The following LYPLA1 variants were observed in gnomAD, a reference collection of about 807,000 sequenced individuals.
LYPLA1 encodes lysophospholipase 1, also known as acyl-protein thioesterase 1.
In LYPLA1, 17 loss-of-function variants were observed where a neutral mutation model predicts 34.0. The observed-to-expected ratio is 0.50, with a 90% CI of 0.34 to 0.75. The LOEUF (loss-of-function observed/expected upper bound fraction) is 0.75. Among genes scored for constraint, LYPLA1 ranks in the 30% least tolerant of loss-of-function variants. The pLI is 0.01. For missense variants in LYPLA1, 203 were observed against 288.8 expected, an observed-to-expected ratio of 0.70 and a Z score of 2.15; for synonymous variants, 98 against 100.8, an observed-to-expected ratio of 0.97 and a Z score of 0.17.
At chr8:54,060,581 G>A (rs544257131) in intron 5 of LYPLA1, among the ~76,000 whole-genome samples, 1 of 152,232 alleles carries the variant, frequency 6.6e-6, no homozygotes, top group Non-Finnish European at 1.5e-5. Flanking sequence ...CTTCACAGCG[G>A]TGTCAAATGA....
chr8:54,100,627 C>T (rs982062762), intron 2 of LYPLA1: 2 of 405,282 alleles, frequency 4.9e-6, no homozygotes, highest in South Asian at 2.5e-5. Flanking sequence ...TCCCTACTAA[C>T]ATTCCACGGA....
intron 2 of LYPLA1, among the ~76,000 whole-genome samples, chr8:54,066,361 G>A (rs1319024851): frequency 1.3e-5 from 2 of 152,222 alleles, no homozygotes; most frequent in Non-Finnish European, 2.9e-5. Context: ...CTGAACAGCA[G>A]TGTGTGCCCC....
At chr8:54,060,252 A>C (rs909816490) in intron 5 of LYPLA1, among the ~76,000 whole-genome samples, 47 of 152,078 alleles carry the variant, frequency 3.1e-4, no homozygotes, top group African/African-American at 1.1e-3. Flanking sequence ...CAGCCTCCCA[A>C]GTAGCTGGGA....
chr8:54,066,361 G>T (rs1319024851), intron 2 of LYPLA1, among the ~76,000 whole-genome samples: 1 of 152,222 alleles, frequency 6.6e-6, no homozygotes, highest in Non-Finnish European at 1.5e-5. Flanking sequence ...CTGAACAGCA[G>T]TGTGTGCCCC....
At chr8:54,054,394 C>G (rs1385720362) in intron 6 of LYPLA1, 2 of 152,308 alleles carry the variant, frequency 1.3e-5, no homozygotes, top group African/African-American at 4.8e-5. Context: ...TATATTGTAT[C>G]AACAAATCTT....
chr8:54,073,131 A>T, intron 2 of LYPLA1: 2 of 719,408 alleles, frequency 2.8e-6, no homozygotes, highest in Non-Finnish European at 5.2e-6. Flanking sequence ...CATCTCAGGG[A>T]GACCTGGCCT....
intron 6 of LYPLA1, 62 bp from the exon 7 acceptor site, chr8:54,052,818 A>G (rs1805939262): frequency 1.0e-6 from 1 of 1,002,218 alleles, no homozygotes; most frequent in Non-Finnish European, 1.6e-6. Context: ...AATTTAGGGA[A>G]TATCTTGTTA....
downstream of LYPLA1, among the ~76,000 whole-genome samples, chr8:54,046,049 G>C (rs1805473078): frequency 6.6e-6 from 1 of 151,382 alleles, no homozygotes; most frequent in Admixed American, 6.6e-5. Flanking sequence ...TGACAGAATG[G>C]GACTCTGTCT....
rs776975813 is a variant in LYPLA1, at chr8:54,101,818, G to T, written c.6C>A (p.Cys2Ter). 1 of 1,279,166 alleles carries T rather than the reference G, an allele frequency of 7.8e-7. No individual in the cohort carries two copies. Among genetic ancestry groups the T allele is most frequent in the Non-Finnish European group, 1.0e-6 (1 of 1,004,060 alleles). The allele number at this position is 1,279,166 out of a possible 1,614,324, so 79.2% of individuals were successfully genotyped here. M[C>*]GNNMSTPLPA... is the part of the protein sequence containing the mutation. ...GCAGCGGGGTTGACATGTTATTGCC[G>T]CACATACACCGCCTCAGCTCACAGC... is the stretch of plus-strand genomic sequence containing the variant. The change falls in exon 1 of 9, where the codon TGC (cysteine) becomes TGA (stop). Residue 2 changes from cysteine (C) to a stop codon, truncating the protein, a stop_gained. Coordinates refer to ENST00000316963, the MANE Select transcript of LYPLA1 (RefSeq NM_006330.4). LOFTEE classifies it high-confidence loss of function.
At chr8:54,056,938 G>T (rs78507007) in intron 5 of LYPLA1, among the ~76,000 whole-genome samples, 19,173 of 151,832 alleles carry the variant, frequency 0.13, 3,211 homozygotes, top group African/African-American at 0.39. Context: ...AAAAAAACGG[G>T]CCAAAGATCT....
chr8:54,054,387 A>G (rs980310703), intron 6 of LYPLA1: 1 of 152,446 alleles, frequency 6.6e-6, no homozygotes, highest in Non-Finnish European at 1.5e-5. Flanking sequence ...TTTTCACTAT[A>G]TTGTATCAAC....
downstream of LYPLA1, among the ~76,000 whole-genome samples, chr8:54,044,604 A>T (rs1805437225): frequency 6.8e-6 from 1 of 147,154 alleles, no homozygotes; most frequent in Non-Finnish European, 1.5e-5. Context: ...AAGGGGCCAG[A>T]TTTTTTTTTT....
intron 2 of LYPLA1, among the ~76,000 whole-genome samples, chr8:54,082,204 G>A (rs1808374132): frequency 6.6e-6 from 1 of 152,172 alleles, no homozygotes; most frequent in African/African-American, 2.4e-5. Context: ...ATGTGGAAGA[G>A]AAGGAAAAGA....
chr8:54,054,743 T>A (rs1563567280), intron 6 of LYPLA1: 1 of 207,332 alleles, frequency 4.8e-6, no homozygotes, highest in African/African-American at 2.3e-5. Flanking sequence ...GAAATTCTCT[T>A]GTCTTCCACT....
At chr8:54,052,482 G>A (rs1805911978) in intron 7 of LYPLA1, among the ~76,000 whole-genome samples, 173 bp downstream of exon 7, 1 of 152,040 alleles carries the variant, frequency 6.6e-6, no homozygotes, top group Non-Finnish European at 1.5e-5. Flanking sequence ...CATGTGTGGG[G>A]ACAGGAGGTA....
chr8:54,088,351 T>C (rs1586167041), intron 2 of LYPLA1, among the ~76,000 whole-genome samples: 1 of 152,226 alleles, frequency 6.6e-6, no homozygotes, highest in Non-Finnish European at 1.5e-5. Flanking sequence ...TTCAAGGACA[T>C]GAGATGATGC....
Position 54,062,333 on chromosome 8 carries a change from T to C in LYPLA1, c.216-9A>G, listed in dbSNP as rs747675488. 6.4e-7 allele frequency: 1 copy of C among 1,574,628 alleles called. No homozygotes were observed. Among genetic ancestry groups the C allele is most frequent in the South Asian group, 1.2e-5 (1 of 86,550 alleles). ...GCCCAATAATATCAAACCTGTAAAA[T>C]AAGGCAAAATCTTTTGATTCTAAGA... On this transcript the variant is annotated splice_polypyrimidine_tract_variant and intron_variant, in intron 4 of 8. Transcript: ENST00000316963.
At chr8:54,053,647 G>A (rs1806001937) in intron 6 of LYPLA1, 1 of 456,156 alleles carries the variant, frequency 2.2e-6, no homozygotes, top group African/African-American at 2.0e-5. Flanking sequence ...ATGACCACCA[G>A]TCACTCTCTG....
At chr8:54,073,141 T>C (rs1220216464) in intron 2 of LYPLA1, 3 of 729,804 alleles carry the variant, frequency 4.1e-6, no homozygotes, top group Admixed American at 1.8e-5. Flanking sequence ...AGACCTGGCC[T>C]TCAGAGATGA....
Sources: gnomAD v4.1 joint callset for allele counts (sites outside exome capture counted in the v4.1 genomes callset) on GRCh38, gnomAD v4.1.1 for gene constraint, MANE v1.5 for transcripts, NCBI Gene and HGNC (gene_info 2026-07-23, HGNC 2026-07-21) for gene names.